GRM7: variants seen among roughly 807,000 people sequenced by gnomAD.
The protein encoded by GRM7 is metabotropic glutamate receptor 7.
Under a neutral mutation model 84.5 loss-of-function variants are expected in GRM7, and 35 were observed. The ratio of observed to expected loss-of-function variants is 0.41; its 90% CI spans 0.32 to 0.55. The LOEUF (loss-of-function observed/expected upper bound fraction) is 0.55, where lower values mean the gene tolerates loss of function less well. Ranked by LOEUF, GRM7 falls within the 20% of genes least tolerant of loss-of-function variation. The pLI is 0.19. For synonymous variants in GRM7, 487 were observed against 455.1 expected, an observed-to-expected ratio of 1.07 and a Z score of -0.89; for missense variants, 1,003 against 1,194.6, an observed-to-expected ratio of 0.84 and a Z score of 2.36.
At chr3:7,187,114 A>G (rs966408485) in intron 2 of GRM7, among the ~76,000 whole-genome samples, 4 of 152,166 alleles carry the variant, frequency 2.6e-5, no homozygotes, top group African/African-American at 9.7e-5. Context: ...TCTTAAAAAA[A>G]TTAACAATTG....
At chr3:7,094,411 A>G (rs554172377) in intron 1 of GRM7, among the ~76,000 whole-genome samples, 1 of 152,346 alleles carries the variant, frequency 6.6e-6, no homozygotes, top group South Asian at 2.1e-4. Flanking sequence ...ATGAGGCCGG[A>G]ACAAGGAATA....
At chr3:7,294,425 T>C (rs890560771) in intron 2 of GRM7, among the ~76,000 whole-genome samples, 2 of 152,200 alleles carry the variant, frequency 1.3e-5, no homozygotes, top group African/African-American at 4.8e-5. Context: ...CTTGGAGGAA[T>C]CATGGCATTG....
At position 7,002,747 on chromosome 3, in the gene GRM7, A is replaced by G. The variant is rs148924984; in HGVS notation, c.519+140840A>G. Reference sequence around the variant, plus strand: ...CAATCCCATTTCTGGGTGTATATCCAGAGGAATTGAAAGCAGTATGCTGAA... The same window carrying G: ...CAATCCCATTTCTGGGTGTATATCCGGAGGAATTGAAAGCAGTATGCTGAA... On this transcript the variant is annotated intron_variant, in intron 1 of 9. Coordinates refer to ENST00000357716, the MANE Select transcript of GRM7 (RefSeq NM_000844.4). Among the ~76,000 whole-genome samples, 892 of 152,320 alleles carry G rather than the reference A, an allele frequency of 5.9e-3. 7 individuals are homozygous for G. Among genetic ancestry groups the G allele is most frequent in the Middle Eastern group, 0.031 (9 of 294 alleles).
At chr3:7,147,076 C>A (rs977850507) in intron 2 of GRM7, among the ~76,000 whole-genome samples, 2 of 152,094 alleles carry the variant, frequency 1.3e-5, no homozygotes, top group Non-Finnish European at 2.9e-5. Context: ...ACTGTGCCAA[C>A]TTTGATTTGA....
chr3:7,561,027 T>G (rs934269795), intron 7 of GRM7, among the ~76,000 whole-genome samples: 2 of 152,126 alleles, frequency 1.3e-5, no homozygotes, highest in African/African-American at 4.8e-5. Context: ...CATAATCTGT[T>G]GCCTGCCTGT....
chr3:6,957,041 C>T (rs868359435), intron 1 of GRM7, among the ~76,000 whole-genome samples: 3 of 152,096 alleles, frequency 2.0e-5, no homozygotes, highest in Non-Finnish European at 4.4e-5. Flanking sequence ...ATAGATATAG[C>T]GTTATAATTT....
At chr3:7,439,724 G>T (rs1179854913) in intron 5 of GRM7, among the ~76,000 whole-genome samples, 1 of 152,154 alleles carries the variant, frequency 6.6e-6, no homozygotes, top group Non-Finnish European at 1.5e-5. Flanking sequence ...TATGCAAGGG[G>T]GAAAATACTT....
At chr3:7,228,661 C>G (rs559970273) in intron 2 of GRM7, among the ~76,000 whole-genome samples, 1 of 152,272 alleles carries the variant, frequency 6.6e-6, no homozygotes, top group East Asian at 1.9e-4. Context: ...CAATAAAAGT[C>G]TCTTTCACAA....
In GRM7 at chr3:7,298,653, T is replaced by C. The variant is rs368745204; in HGVS notation, c.737-31T>C. On this transcript the variant is annotated intron_variant, in intron 2 of 9. Coordinates refer to ENST00000357716, the MANE Select transcript of GRM7 (RefSeq NM_000844.4). The stretch of plus-strand genomic sequence containing the variant: ...TCCTTTGACATCTCTGTGGAAACAT[T>C]ATTGACACTATGTTTTCTTCTCTTA... 1.1e-5 allele frequency: 18 copies of C among 1,597,840 alleles called. No homozygotes were observed. In the African/African-American group the frequency reaches 1.6e-4, roughly 14 times the overall value.
At chr3:7,323,852 A>G (rs1310311984) in intron 4 of GRM7, among the ~76,000 whole-genome samples, 7 of 152,150 alleles carry the variant, frequency 4.6e-5, no homozygotes, top group Non-Finnish European at 1.0e-4. Context: ...TGAAAGTAAG[A>G]ACTACTTTAG....
intron 4 of GRM7, among the ~76,000 whole-genome samples, chr3:7,372,295 C>A (rs371244002): frequency 6.6e-6 from 1 of 152,038 alleles, no homozygotes; most frequent in Non-Finnish European, 1.5e-5. Context: ...TTTTCTGGAA[C>A]CCTTAATTGT....
intron 2 of GRM7, among the ~76,000 whole-genome samples, chr3:7,280,382 C>G (rs1467031200): frequency 6.6e-6 from 1 of 152,182 alleles, no homozygotes; most frequent in East Asian, 1.9e-4. Flanking sequence ...ATGCAGTTTT[C>G]AACTTCTTAA....
chr3:7,219,086 G>T (rs977497410), intron 2 of GRM7, among the ~76,000 whole-genome samples: 1 of 152,052 alleles, frequency 6.6e-6, no homozygotes, highest in Non-Finnish European at 1.5e-5. Context: ...GGTCACACAG[G>T]TTTTTTCCCA....
rs1697380333 is a variant in GRM7 at position 6,928,213 on chromosome 3, C to T, written c.519+66306C>T. Among the ~76,000 whole-genome samples, 1 of 151,884 alleles carries T rather than the reference C, an allele frequency of 6.6e-6. No individual in the cohort carries two copies. Among genetic ancestry groups the T allele is most frequent in the African/African-American group, 2.4e-5 (1 of 41,346 alleles). The stretch of plus-strand genomic sequence containing the variant: ...AACTGGGCATTTTCCCAAAATGTCC[C>T]TTGGAATTCCCCCAAAGATAGTTGC... On this transcript the variant is annotated intron_variant, in intron 1 of 9. Transcript: ENST00000357716. The surrounding 1 kb of genome is among the most constrained non-coding windows in gnomAD (Gnocchi z 4.5).
intron 1 of GRM7, among the ~76,000 whole-genome samples, chr3:7,107,778 C>G (rs1444600419): frequency 6.6e-6 from 1 of 151,932 alleles, no homozygotes; most frequent in Non-Finnish European, 1.5e-5. Context: ...TTTTACCATG[C>G]TACATAAAGG....
At chr3:6,963,065 A>G (rs903628270) in intron 1 of GRM7, among the ~76,000 whole-genome samples, 3 of 152,150 alleles carry the variant, frequency 2.0e-5, no homozygotes, top group African/African-American at 7.2e-5. Context: ...CAGCTTTTAT[A>G]AATAAGATTA....
At chr3:7,044,926 T>G (rs1419129983) in intron 1 of GRM7, among the ~76,000 whole-genome samples, 1 of 152,172 alleles carries the variant, frequency 6.6e-6, no homozygotes, top group Non-Finnish European at 1.5e-5. Context: ...TAAATTGCTA[T>G]TTTTTGACAG....
At chr3:7,116,937 G>A (rs1263260960) in intron 1 of GRM7, among the ~76,000 whole-genome samples, 1 of 152,240 alleles carries the variant, frequency 6.6e-6, no homozygotes, top group African/African-American at 2.4e-5. Flanking sequence ...ACCACTTAAT[G>A]TATAAAATTA....
At chr3:7,411,191 A>G (rs1695921590) in intron 4 of GRM7, among the ~76,000 whole-genome samples, 1 of 152,168 alleles carries the variant, frequency 6.6e-6, no homozygotes, top group Non-Finnish European at 1.5e-5. Context: ...AGATCCCTAA[A>G]TTAATTTTAT....
Sources: allele counts gnomAD v4.1 joint callset (sites outside exome capture counted in the v4.1 genomes callset), GRCh38; gene constraint gnomAD v4.1.1; non-coding constraint Gnocchi (gnomAD v3.1); transcripts MANE v1.5; gene names NCBI Gene and HGNC (gene_info 2026-07-23, HGNC 2026-07-21).